BTBD8: variants seen among roughly 807,000 people sequenced by gnomAD.
BTBD8 encodes BTB domain containing 8.
BTBD8 carries 110 observed loss-of-function variants against 162.9 expected under a neutral mutation model. That is an observed-to-expected ratio of 0.68 (90% confidence interval 0.58 to 0.79). The LOEUF is 0.79. BTBD8 is among the 30% of genes least tolerant of loss of function. The pLI, the probability that BTBD8 is intolerant of heterozygous loss-of-function variation, is 0.00. For missense variants in BTBD8, 1,905 were observed against 2,085.4 expected (o/e 0.91, Z 1.68); for synonymous variants, 667 against 716.1 (o/e 0.93, Z 1.10).
chr1:92,080,766 C>T (rs1281533618), intron 1 of BTBD8, 46 bp downstream of exon 1: 6 of 1,569,392 alleles, frequency 3.8e-6, no homozygotes, highest in Non-Finnish European at 5.2e-6. Context: ...CTAAATCGCC[C>T]ACCTCCGCCC....
rs190764651 is a variant in BTBD8, at chr1:92,156,956, T to C, written c.1122+9170T>C. Among the ~76,000 whole-genome samples, 317 of 152,058 alleles carry C rather than the reference T, an allele frequency of 2.1e-3. 3 individuals carry two copies. In the East Asian group the frequency reaches 0.044, roughly 21 times the overall value. The stretch of plus-strand genomic sequence containing the variant: ...CTGCTCTAATATTTATTTTTTTTTT[T>C]CGTTGGTTTGCTAACTTCAGGCTTA... On this transcript the variant is annotated intron_variant, in intron 9 of 17. Coordinates refer to ENST00000636805, the MANE Select transcript of BTBD8 (RefSeq NM_001376131.1).
rs142452738 is a variant in BTBD8 at position 92,166,641 on chromosome 1, G to A, written c.1123-317G>A. 6.4e-3 allele frequency among the ~76,000 whole-genome samples: 977 copies of A among 151,616 alleles called. 12 individuals are homozygous for A. The highest frequency in any genetic ancestry group is 0.023 in the African/African-American group (935 of 41,372). On this transcript the variant is annotated intron_variant, in intron 9 of 17. Coordinates refer to ENST00000636805, the MANE Select transcript of BTBD8 (RefSeq NM_001376131.1). ...GTTTTCACCATGTTGGCCAGGCTGA[G>A]CTTGAACTCCTAACCTCAAGTGATC...
At chr1:92,126,174 G>A in intron 4 of BTBD8, 1 of 511,190 alleles carries the variant, frequency 2.0e-6, no homozygotes, top group Non-Finnish European at 3.9e-6. Flanking sequence ...GAAGATTGTG[G>A]TGCAGGGAGA....
chr1:92,080,442 C>T lies in BTBD8; in HGVS notation c.-130C>T, dbSNP rs1047765782. 4 of 1,373,738 alleles carry T rather than the reference C, an allele frequency of 2.9e-6. No homozygotes were observed. Among genetic ancestry groups the T allele is most frequent in the Middle Eastern group, 2.7e-4 (1 of 3,746 alleles). The allele number at this position is 1,373,738 out of a possible 1,614,324, so 85.1% of individuals were successfully genotyped here. ...CTGTCTACAAACCGACGAGAGGCGT[C>T]AACCTTTTACCCTAGGGGGCGGATT... On this transcript the variant is annotated 5_prime_UTR_variant, in exon 1 of 18. Coordinates refer to ENST00000636805, the MANE Select transcript of BTBD8 (RefSeq NM_001376131.1).
chr1:92,158,481 A>G (rs1157922473), intron 9 of BTBD8, among the ~76,000 whole-genome samples: 1 of 152,184 alleles, frequency 6.6e-6, no homozygotes, highest in Non-Finnish European at 1.5e-5. Context: ...CCACATACAC[A>G]GAAACTCTAC....
chr1:92,180,282 C>T lies in BTBD8; in HGVS notation c.2599C>T (p.Pro867Ser). 5.8e-6 allele frequency: 9 copies of T among 1,545,160 alleles called. No homozygotes were observed. The highest frequency in any genetic ancestry group is 7.9e-6 in the Non-Finnish European group (9 of 1,144,892). Residue 867 changes from proline (P) to serine (S), a missense_variant, in exon 17 of 18, where the codon CCA becomes TCA. Physicochemically the swap from Pro to Ser is moderately conservative, Grantham distance 74 (BLOSUM62 -1). Coordinates refer to ENST00000636805, the MANE Select transcript of BTBD8 (RefSeq NM_001376131.1). ...TKTQGSQGES[P>S]NSVKSSVSSR... ...TTTCTTAGGATCCCAAGGAGAGTCA[C>T]CAAACTCAGTAAAATCTTCAGTCTC...
Position 92,181,611 on chromosome 1 carries a change from T to C in BTBD8, c.3928T>C (p.Leu1310=), listed in dbSNP as rs1557469421. The C allele has an allele frequency of 1.3e-6, 2 of 1,551,192 alleles. No homozygotes were observed. The highest frequency in any genetic ancestry group is 1.7e-6 in the Non-Finnish European group (2 of 1,146,672). Residue 1310 remains leucine (L), a synonymous_variant, in exon 17 of 18, where the codon TTA becomes CTA. Coordinates refer to ENST00000636805, the MANE Select transcript of BTBD8 (RefSeq NM_001376131.1). ...SSSDTSTPEE[L]KIYDSNLRIE... ...CAGTGATACCAGTACTCCTGAAGAA[T>C]TAAAAATTTATGATAGTAATTTAAG... is the stretch of plus-strand genomic sequence containing the variant.
At chr1:92,170,299 T>C (rs111273745) in intron 12 of BTBD8, among the ~76,000 whole-genome samples, 2,370 of 152,278 alleles carry the variant, frequency 0.016, 73 homozygotes, top group African/African-American at 0.053. Context: ...AATAATGTTT[T>C]AATCTTAAAT....
chr1:92,128,702 G>C (rs563919106), intron 4 of BTBD8, among the ~76,000 whole-genome samples: 9 of 152,242 alleles, frequency 5.9e-5, no homozygotes, highest in African/African-American at 2.2e-4. Context: ...TGACAGGCGT[G>C]AGTCACCGTG....
rs141765521 is a variant in BTBD8, at chr1:92,157,208, T to C, written c.1122+9422T>C. Among the ~76,000 whole-genome samples, 1,032 of 152,320 alleles carry C rather than the reference T, an allele frequency of 6.8e-3. 23 individuals are homozygous for C. Among genetic ancestry groups the C allele is most frequent in the Admixed American group, 0.031 (475 of 15,298 alleles). Reference sequence around the variant, plus strand: ...TTGGTTGTTCAAAAGTGTGTTAATTTCTACAATTTGTTTATTTTCTAGTCT... The same window carrying C: ...TTGGTTGTTCAAAAGTGTGTTAATTCCTACAATTTGTTTATTTTCTAGTCT... On this transcript the variant is annotated intron_variant, in intron 9 of 17. Transcript: ENST00000636805.
At chr1:92,167,371 G>A (rs1244385931) in intron 10 of BTBD8, among the ~76,000 whole-genome samples, 1 of 152,218 alleles carries the variant, frequency 6.6e-6, no homozygotes, top group Non-Finnish European at 1.5e-5. Flanking sequence ...AAGGCACAGT[G>A]TAATTCTGGC....
At chr1:92,111,330 C>G (rs1167989244) in intron 4 of BTBD8, among the ~76,000 whole-genome samples, 1 of 152,184 alleles carries the variant, frequency 6.6e-6, no homozygotes, top group Non-Finnish European at 1.5e-5. Context: ...CACTCAAAAT[C>G]TGGTATATCT....
At chr1:92,162,434 G>A (rs1483938871) in intron 9 of BTBD8, among the ~76,000 whole-genome samples, 1 of 152,206 alleles carries the variant, frequency 6.6e-6, no homozygotes, top group Non-Finnish European at 1.5e-5. Context: ...TTCAAAGTAT[G>A]TCCTTCATAG....
chr1:92,114,011 C>CAA (rs35277981), intron 4 of BTBD8, among the ~76,000 whole-genome samples: 5 of 94,970 alleles, frequency 5.3e-5, no homozygotes, highest in African/African-American at 1.2e-4. Flanking sequence ...GACTCCGTCT[C>CAA]AAAAAAAAAA....
chr1:92,163,354 CAAAAAAAAA>C (rs34760395), intron 9 of BTBD8, among the ~76,000 whole-genome samples: 6 of 20,400 alleles, frequency 2.9e-4, no homozygotes, highest in Non-Finnish European at 5.1e-4. Context: ...GATTCTGTCT[CAAAAAAAAA>C]AAAAAAAAAA....
intron 4 of BTBD8, chr1:92,125,385 A>G (rs1232799251): frequency 4.2e-6 from 1 of 238,572 alleles, no homozygotes; most frequent in Non-Finnish European, 8.4e-6. Context: ...CACAACATTC[A>G]GGCACTGCTC....
chr1:92,147,714 G>T lies in BTBD8; in HGVS notation c.1050G>T (p.Trp350Cys). The change falls in exon 9 of 18, where the codon TGG becomes TGT. Residue 350 changes from tryptophan (W) to cysteine (C), a missense_variant. Trp to Cys is a radical substitution (Grantham distance 215). This residue lies in a region of BTBD8 where 1,374 missense variants were observed against 1,442.7 expected (regional missense o/e 0.95). Transcript: ENST00000636805. ...TTGTAAAGCATTTTGCAAGGTTTTG[G>T]TCTGAGAGAAGCTTTGCAAATATAC... is the stretch of plus-strand genomic sequence containing the variant. ...KWIVKHFARF[W>C]SERSFANIPP... The T allele has an allele frequency of 6.2e-7, 1 of 1,613,072 alleles. No homozygotes were observed. Among genetic ancestry groups the T allele is most frequent in the East Asian group, 2.2e-5 (1 of 44,800 alleles).
At chr1:92,130,661 CTG>C (rs1350716260) in intron 5 of BTBD8, among the ~76,000 whole-genome samples, 3 of 151,718 alleles carry the variant, frequency 2.0e-5, no homozygotes, top group African/African-American at 7.3e-5. Flanking sequence ...ATTGTTTAAA[CTG>C]TTAATATGCA....
In BTBD8 at chr1:92,080,417, CTGTCT is replaced by C. The variant is rs1647965190; in HGVS notation, c.-154_-150del. On this transcript the variant is annotated 5_prime_UTR_variant, in exon 1 of 18. Coordinates refer to ENST00000636805, the MANE Select transcript of BTBD8 (RefSeq NM_001376131.1). ...ACCGCGGTCCGGCTTCTCTGGGAGA[CTGTCT>C]ACAAACCGACGAGAGGCGTCAACCT... is the stretch of plus-strand genomic sequence containing the variant. The C allele has an allele frequency of 1.8e-6, 2 of 1,109,862 alleles. No individual in the cohort carries two copies. Among genetic ancestry groups the C allele is most frequent in the Non-Finnish European group, 2.5e-6 (2 of 804,406 alleles). 68.8% of individuals were successfully genotyped at this position (1,109,862 alleles called of 1,614,324 possible).
Sources: allele counts gnomAD v4.1 joint callset (sites outside exome capture counted in the v4.1 genomes callset), GRCh38; gene constraint gnomAD v4.1.1; regional missense constraint gnomAD v4.1.1; transcripts MANE v1.5; gene names NCBI Gene and HGNC (gene_info 2026-07-23, HGNC 2026-07-21).